Variants in CSMD1 observed in about 807,000 individuals in gnomAD.
CSMD1 encodes the protein CUB and sushi domain-containing protein 1.
A neutral mutation model predicts 417.5 loss-of-function variants in CSMD1; 213 were observed. That is an observed-to-expected ratio of 0.51 (90% CI 0.46 to 0.57). The LOEUF (loss-of-function observed/expected upper bound fraction) is 0.57, where lower values mean the gene tolerates loss of function less well. CSMD1 is among the 20% of genes least tolerant of loss of function. CSMD1 has a pLI of 0.00. For missense variants in CSMD1, 6,923 were observed against 4,529.7 expected, an observed-to-expected ratio of 1.53 and a Z score of -15.17; for synonymous variants, 2,862 against 1,736.8, an observed-to-expected ratio of 1.65 and a Z score of -16.11.
chr8:4,279,598 T>A (rs908059388), intron 3 of CSMD1, among the ~76,000 whole-genome samples: 4 of 152,140 alleles, frequency 2.6e-5, no homozygotes, highest in African/African-American at 9.7e-5. Context: ...CCTAAACAAA[T>A]AGACTCAATG....
intron 2 of CSMD1, among the ~76,000 whole-genome samples, chr8:4,473,810 A>G (rs188985579): frequency 9.2e-5 from 14 of 152,294 alleles, no homozygotes; most frequent in Admixed American, 6.5e-4. Context: ...TGACAGAAAA[A>G]TAGAGATAGA....
chr8:4,857,854 A>G (rs1801893878), intron 1 of CSMD1, among the ~76,000 whole-genome samples: 1 of 151,756 alleles, frequency 6.6e-6, no homozygotes, highest in Non-Finnish European at 1.5e-5. Context: ...AACTGGTACC[A>G]TTCCTTCTGA....
chr8:4,212,961 C>G (rs1037973929), intron 3 of CSMD1, among the ~76,000 whole-genome samples: 1 of 151,982 alleles, frequency 6.6e-6, no homozygotes. Context: ...CCACTGAAGA[C>G]CTAACACCTA....
At chr8:4,193,594 C>G (rs79948873) in intron 3 of CSMD1, among the ~76,000 whole-genome samples, 4 of 151,974 alleles carry the variant, frequency 2.6e-5, no homozygotes, top group Non-Finnish European at 5.9e-5. Flanking sequence ...GGATGAGGGT[C>G]CCACCGGGCC....
chr8:3,955,530 C>T (rs908663123), intron 5 of CSMD1, among the ~76,000 whole-genome samples: 1 of 152,166 alleles, frequency 6.6e-6, no homozygotes, highest in African/African-American at 2.4e-5. Context: ...TCTAATAAGT[C>T]AGTAGAGGAT....
intron 1 of CSMD1, chr8:4,788,395 T>G: frequency 1.4e-6 from 2 of 1,394,156 alleles, no homozygotes; most frequent in Non-Finnish European, 2.0e-6. Flanking sequence ...GCTCAGGATG[T>G]GTGGTCTTCT....
At chr8:4,435,063 A>G (rs1182254351) in intron 2 of CSMD1, among the ~76,000 whole-genome samples, 1 of 152,176 alleles carries the variant, frequency 6.6e-6, no homozygotes, top group African/African-American at 2.4e-5. Flanking sequence ...TTTGTGTGTA[A>G]TATATCGGTG....
chr8:4,742,497 T>A (rs1810688367), intron 1 of CSMD1, among the ~76,000 whole-genome samples: 2 of 152,082 alleles, frequency 1.3e-5, no homozygotes, highest in South Asian at 4.1e-4. Context: ...CACATACATA[T>A]ACACACATGT....
intron 1 of CSMD1, among the ~76,000 whole-genome samples, chr8:4,846,477 C>T (rs1242467509): frequency 6.6e-6 from 1 of 152,312 alleles, no homozygotes; most frequent in East Asian, 1.9e-4. Context: ...GTTGACTGAG[C>T]CTGTGACCAG....
chr8:4,412,889 G>C (rs1292310113), intron 3 of CSMD1, among the ~76,000 whole-genome samples: 1 of 152,156 alleles, frequency 6.6e-6, no homozygotes, highest in Non-Finnish European at 1.5e-5. Context: ...GAAAAAGAAA[G>C]ACATAAGATA....
chr8:4,281,383 T>C (rs1386403822), intron 3 of CSMD1, among the ~76,000 whole-genome samples: 2 of 151,900 alleles, frequency 1.3e-5, no homozygotes, highest in African/African-American at 4.8e-5. Flanking sequence ...AAACCAGTGG[T>C]TTTTCACCAA....
chr8:4,115,399 C>G (rs372107876), intron 3 of CSMD1, among the ~76,000 whole-genome samples: 6 of 152,162 alleles, frequency 3.9e-5, no homozygotes, highest in African/African-American at 9.7e-5. Flanking sequence ...ATGCACTAAG[C>G]CAACATATTC....
At chr8:3,286,797 T>G (rs1222709134) in intron 25 of CSMD1, among the ~76,000 whole-genome samples, 1 of 152,194 alleles carries the variant, frequency 6.6e-6, no homozygotes, top group African/African-American at 2.4e-5. Flanking sequence ...GATGGTAGTT[T>G]CTTGTGCTGT....
intron 48 of CSMD1, among the ~76,000 whole-genome samples, chr8:3,090,164 A>C (rs957885984): frequency 2.6e-5 from 4 of 151,940 alleles, no homozygotes; most frequent in African/African-American, 9.7e-5. Context: ...AAAATACAAA[A>C]AAATTAGCCG....
intron 3 of CSMD1, among the ~76,000 whole-genome samples, chr8:4,255,669 A>T (rs1403335290): frequency 6.6e-6 from 1 of 152,216 alleles, no homozygotes; most frequent in Non-Finnish European, 1.5e-5. Flanking sequence ...GCTAATATGT[A>T]TTACGTGAAG....
At chr8:3,016,023 G>A (rs1416499393) in intron 52 of CSMD1, among the ~76,000 whole-genome samples, 1 of 152,118 alleles carries the variant, frequency 6.6e-6, no homozygotes, top group Non-Finnish European at 1.5e-5. Context: ...GAATTAGCAT[G>A]ATAGTATTCT....
chr8:4,861,187 T>C lies in CSMD1; in HGVS notation c.85+133145A>G, dbSNP rs773614697. On this transcript the variant is annotated intron_variant, in intron 1 of 69. Coordinates refer to ENST00000635120, the MANE Select transcript of CSMD1 (RefSeq NM_033225.6). ...TGGAAGTTGATAATAGATTCTGACA[T>C]TTATCTCAGAGACCTGCTCTAATCT... is the stretch of plus-strand genomic sequence containing the variant. Among the ~76,000 whole-genome samples the C allele has an allele frequency of 5.3e-5, 8 of 152,292 alleles. No individual in the cohort carries two copies. The South Asian group carries it at 1.7e-3, about 32-fold the overall frequency.
chr8:3,656,246 A>C (rs1460114536), intron 7 of CSMD1, among the ~76,000 whole-genome samples: 5 of 152,316 alleles, frequency 3.3e-5, no homozygotes, highest in African/African-American at 1.2e-4. Flanking sequence ...CCAGGTAAAC[A>C]GGAAGGAAAG....
At chr8:4,632,549 G>T (rs1222257185) in intron 2 of CSMD1, among the ~76,000 whole-genome samples, 1 of 151,984 alleles carries the variant, frequency 6.6e-6, no homozygotes, top group East Asian at 1.9e-4. Context: ...CAAGACGTTG[G>T]TAATCACAGG....
Sources: allele counts gnomAD v4.1 joint callset (sites outside exome capture counted in the v4.1 genomes callset), GRCh38; gene constraint gnomAD v4.1.1; transcripts MANE v1.5; gene names NCBI Gene and HGNC (gene_info 2026-07-23, HGNC 2026-07-21).